The following FARS2 variants were observed in gnomAD, a reference collection of about 807,000 sequenced individuals.
The protein encoded by FARS2 is phenylalanyl-tRNA synthetase 2, mitochondrial, also known as phenylalanine--tRNA ligase, mitochondrial.
In FARS2, 40 loss-of-function variants were observed where a neutral mutation model predicts 46.4. The ratio of observed to expected loss-of-function variants is 0.86; its 90% CI spans 0.67 to 1.12. The LOEUF is 1.12. Among genes scored for constraint, FARS2 ranks in the 50% most tolerant of loss-of-function variants. The pLI, the probability that FARS2 is intolerant of heterozygous loss-of-function variation, is 0.00. For synonymous variants in FARS2, 234 were observed against 214.9 expected (o/e 1.09, Z -0.78); for missense variants, 513 against 567.9 (o/e 0.90, Z 0.98).
intron 4 of FARS2, among the ~76,000 whole-genome samples, chr6:5,529,862 C>T (rs1272521871): frequency 6.6e-6 from 1 of 152,072 alleles, no homozygotes; most frequent in African/African-American, 2.4e-5. Context: ...CAATTAGAAC[C>T]CTGCAACCAC....
At chr6:5,668,750 A>G (rs1778285725) in intron 6 of FARS2, among the ~76,000 whole-genome samples, 1 of 129,694 alleles carries the variant, frequency 7.7e-6, no homozygotes, top group Non-Finnish European at 1.5e-5. Flanking sequence ...CTGGAGTGCA[A>G]TGACGTGATC....
chr6:5,293,432 AG>A (rs1767636774), intron 1 of FARS2, among the ~76,000 whole-genome samples: 1 of 151,968 alleles, frequency 6.6e-6, no homozygotes, highest in African/African-American at 2.4e-5. Context: ...CTAGGAGGGG[AG>A]GAGGTGGGGA....
At chr6:5,492,494 T>A (rs868021412) in intron 4 of FARS2, among the ~76,000 whole-genome samples, 28 of 152,370 alleles carry the variant, frequency 1.8e-4, no homozygotes, top group Middle Eastern at 3.4e-3. Context: ...TAAATGGGCA[T>A]TTCTTCACAG....
At position 5,602,645 on chromosome 6, in the gene FARS2, CAAAAA is replaced by C. The variant is rs55712653; in HGVS notation, c.1066-10503_1066-10499del. ...CTGGCAATAGAGTGAGACTCCGTCTCAAAAAAAAAAAAAAAAAAAAAAAAAGGGAA... is the reference window on the plus strand; with the variant it reads ...CTGGCAATAGAGTGAGACTCCGTCTCAAAAAAAAAAAAAAAAAAAAGGGAA... On this transcript the variant is annotated intron_variant, in intron 5 of 6. Coordinates refer to ENST00000274680, the MANE Select transcript of FARS2 (RefSeq NM_006567.5). Among the ~76,000 whole-genome samples, 627 of 72,136 alleles carry C rather than the reference CAAAAA, an allele frequency of 8.7e-3. 4 individuals are homozygous for C. Among genetic ancestry groups the C allele is most frequent in the South Asian group, 0.05 (59 of 1,178 alleles). 47.3% of individuals were successfully genotyped at this position (72,136 alleles called of 152,430 possible).
At chr6:5,354,670 C>T (rs567498831) in intron 1 of FARS2, among the ~76,000 whole-genome samples, 7 of 152,158 alleles carry the variant, frequency 4.6e-5, no homozygotes, top group Non-Finnish European at 5.9e-5. Context: ...CCCGCCACCA[C>T]GCCCAGCTAA....
chr6:5,744,269 C>T (rs151296381), intron 6 of FARS2, among the ~76,000 whole-genome samples: 103 of 152,266 alleles, frequency 6.8e-4, no homozygotes, highest in African/African-American at 2.4e-3. Flanking sequence ...AGAACCACTG[C>T]GGCAGGACAA....
At chr6:5,320,003 A>AC (rs1581773532) in intron 1 of FARS2, among the ~76,000 whole-genome samples, 1 of 152,354 alleles carries the variant, frequency 6.6e-6, no homozygotes, top group East Asian at 1.9e-4. Context: ...AGAAACAAAA[A>AC]GCAAGTGCTT....
intron 6 of FARS2, among the ~76,000 whole-genome samples, chr6:5,618,424 C>T (rs1033073457): frequency 6.6e-6 from 1 of 152,124 alleles, no homozygotes; most frequent in African/African-American, 2.4e-5. Flanking sequence ...TGCAAAAGAG[C>T]GCCGACCCTT....
chr6:5,412,139 G>A (rs1451695270), intron 3 of FARS2, among the ~76,000 whole-genome samples: 1 of 152,172 alleles, frequency 6.6e-6, no homozygotes, highest in Non-Finnish European at 1.5e-5. Flanking sequence ...TCATTGAAAT[G>A]CACCTCCCAG....
At chr6:5,323,076 A>G (rs1409694065) in intron 1 of FARS2, among the ~76,000 whole-genome samples, 1 of 152,168 alleles carries the variant, frequency 6.6e-6, no homozygotes, top group Non-Finnish European at 1.5e-5. Flanking sequence ...CTGTGTTTTC[A>G]GGTTTTAATC....
At chr6:5,613,348 C>G in intron 6 of FARS2, 28 bp downstream of exon 6, 1 of 1,598,488 alleles carries the variant, frequency 6.3e-7, no homozygotes, top group Non-Finnish European at 8.5e-7. Flanking sequence ...TGATTTTACC[C>G]TTGACTATCT....
intron 6 of FARS2, among the ~76,000 whole-genome samples, chr6:5,629,561 G>T (rs1338484775): frequency 6.6e-6 from 1 of 152,044 alleles, no homozygotes; most frequent in East Asian, 1.9e-4. Context: ...GGAGATGAGG[G>T]GCTAGATCCT....
chr6:5,646,514 G>T (rs1777082157), intron 6 of FARS2, among the ~76,000 whole-genome samples: 1 of 152,114 alleles, frequency 6.6e-6, no homozygotes, highest in Admixed American at 6.5e-5. Context: ...CTTGAAAAGA[G>T]GAGGGGTTTT....
intron 6 of FARS2, among the ~76,000 whole-genome samples, chr6:5,759,896 G>T (rs1395967311): frequency 6.6e-6 from 1 of 152,186 alleles, no homozygotes; most frequent in Non-Finnish European, 1.5e-5. Context: ...TTGACTCTGT[G>T]ATTTCATGAA....
chr6:5,403,044 A>G (rs929429654), intron 2 of FARS2, among the ~76,000 whole-genome samples: 1 of 152,032 alleles, frequency 6.6e-6, no homozygotes, highest in Non-Finnish European at 1.5e-5. Flanking sequence ...CCTGCCTGCC[A>G]AAGGCATTGT....
chr6:5,476,704 T>C (rs988986427), intron 4 of FARS2, among the ~76,000 whole-genome samples: 5 of 152,076 alleles, frequency 3.3e-5, no homozygotes, highest in Non-Finnish European at 7.4e-5. Flanking sequence ...AGCTAGGTAT[T>C]GAGAGCCTGC....
intron 3 of FARS2, among the ~76,000 whole-genome samples, chr6:5,423,296 C>T (rs1403361522): frequency 1.3e-5 from 2 of 152,014 alleles, no homozygotes; most frequent in Admixed American, 6.5e-5. Flanking sequence ...ATCACTTACC[C>T]TGGTGCCTCT....
chr6:5,675,246 A>G (rs947552925), intron 6 of FARS2, among the ~76,000 whole-genome samples: 3 of 151,390 alleles, frequency 2.0e-5, no homozygotes, highest in Middle Eastern at 3.4e-3. Context: ...ACACGGTGCT[A>G]TGTAGTAGCT....
At chr6:5,558,176 C>T (rs1398402493) in intron 5 of FARS2, among the ~76,000 whole-genome samples, 3 of 152,120 alleles carry the variant, frequency 2.0e-5, no homozygotes, top group Non-Finnish European at 4.4e-5. Flanking sequence ...CTTCCCTCAT[C>T]CTGTACAAAA....
Sources: gnomAD v4.1 joint callset for allele counts (sites outside exome capture counted in the v4.1 genomes callset) on GRCh38, gnomAD v4.1.1 for gene constraint, MANE v1.5 for transcripts, NCBI Gene and HGNC (gene_info 2026-07-23, HGNC 2026-07-21) for gene names.